Variants in NALF1 observed in about 807,000 individuals in gnomAD.
NALF1 encodes NALCN channel auxiliary factor 1.
Under a neutral mutation model 48.4 loss-of-function variants are expected in NALF1, and 3 were observed. The observed-to-expected ratio is 0.06, with a 90% confidence interval of 0.03 to 0.16. The LOEUF is 0.16. Among genes scored for constraint, NALF1 ranks in the 10% least tolerant of loss-of-function variants. The pLI is 1.00. For missense variants in NALF1, 526 were observed against 571.5 expected (o/e 0.92, Z 0.81); for synonymous variants, 262 against 245.7 (o/e 1.07, Z -0.62).
intron 1 of NALF1, among the ~76,000 whole-genome samples, chr13:107,386,288 C>A (rs1467126934): frequency 6.6e-6 from 1 of 152,130 alleles, no homozygotes; most frequent in Non-Finnish European, 1.5e-5. Flanking sequence ...CTAAAGGCAA[C>A]CCCACCCCCT....
At chr13:107,405,520 A>C (rs139709543) in intron 1 of NALF1, among the ~76,000 whole-genome samples, 2,046 of 152,154 alleles carry the variant, frequency 0.013, 24 homozygotes, top group South Asian at 0.033. Context: ...CAAGTTGGCC[A>C]AAATTCCCTT....
chr13:107,613,057 G>A (rs9520511), intron 1 of NALF1, among the ~76,000 whole-genome samples: 1 of 151,792 alleles, frequency 6.6e-6, no homozygotes, highest in Non-Finnish European at 1.5e-5. Flanking sequence ...CCTGGAGGAA[G>A]GGAGCAGCCA....
intron 1 of NALF1, among the ~76,000 whole-genome samples, chr13:107,713,121 C>T (rs1025255243): frequency 1.3e-5 from 2 of 152,172 alleles, no homozygotes; most frequent in African/African-American, 4.8e-5. Context: ...TCAGGGGCTA[C>T]GGCAAAGCAG....
intron 1 of NALF1, among the ~76,000 whole-genome samples, chr13:107,507,225 G>A (rs1431783080): frequency 6.6e-6 from 1 of 151,950 alleles, no homozygotes; most frequent in African/African-American, 2.4e-5. Flanking sequence ...ATTTTATTAG[G>A]GATTTTCTAG....
intron 1 of NALF1, among the ~76,000 whole-genome samples, chr13:107,258,331 G>A (rs567433949): frequency 1.3e-5 from 2 of 152,110 alleles, no homozygotes; most frequent in East Asian, 1.9e-4. Context: ...AATGAACATC[G>A]TTTTGTTTTT....
At chr13:107,345,766 C>A (rs1308804585) in intron 1 of NALF1, among the ~76,000 whole-genome samples, 1 of 152,138 alleles carries the variant, frequency 6.6e-6, no homozygotes, top group East Asian at 1.9e-4. Flanking sequence ...GCACAGACAG[C>A]AAAATATAAA....
At chr13:107,644,031 G>A (rs1880237467) in intron 1 of NALF1, among the ~76,000 whole-genome samples, 1 of 148,596 alleles carries the variant, frequency 6.7e-6, no homozygotes, top group South Asian at 2.1e-4. Flanking sequence ...TTACAAATGT[G>A]TAATTTATTT....
At chr13:107,594,327 T>C (rs1279310254) in intron 1 of NALF1, among the ~76,000 whole-genome samples, 3 of 152,112 alleles carry the variant, frequency 2.0e-5, no homozygotes. Flanking sequence ...AATTGATTTA[T>C]GAATAACACA....
At chr13:107,463,534 T>C (rs1475971185) in intron 1 of NALF1, among the ~76,000 whole-genome samples, 1 of 152,238 alleles carries the variant, frequency 6.6e-6, no homozygotes, top group Non-Finnish European at 1.5e-5. Context: ...GTTTTGTTGC[T>C]GTTGTTTTGC....
At chr13:107,656,128 G>A (rs1292340918) in intron 1 of NALF1, among the ~76,000 whole-genome samples, 7 of 148,192 alleles carry the variant, frequency 4.7e-5, no homozygotes, top group African/African-American at 1.7e-4. Context: ...ACAATCTAAA[G>A]GCAAATGCAA....
intron 1 of NALF1, among the ~76,000 whole-genome samples, chr13:107,324,525 A>G (rs527825808): frequency 6.6e-6 from 1 of 152,268 alleles, no homozygotes; most frequent in South Asian, 2.1e-4. Context: ...CACATGCAAA[A>G]TTCTAGAAGA....
At chr13:107,422,811 A>G (rs943782010) in intron 1 of NALF1, among the ~76,000 whole-genome samples, 19 of 152,132 alleles carry the variant, frequency 1.2e-4, no homozygotes, top group African/African-American at 4.6e-4. Flanking sequence ...AGGGAAAAGG[A>G]GAAGTCAGGG....
rs375735915 is a variant in NALF1 at position 107,774,686 on chromosome 13, A to C, written c.915+90996T>G. Among the ~76,000 whole-genome samples the C allele has an allele frequency of 5.5e-4, 84 of 152,300 alleles. No homozygotes were observed. In the South Asian group the frequency reaches 0.017, roughly 31 times the overall value. On this transcript the variant is annotated intron_variant, in intron 1 of 2. Transcript: ENST00000375915. ...TTATATGCAATACCTATTATATGCA[A>C]AGCTTCAGTGCTAGGTAGTGGGGAT...
At chr13:107,693,063 G>T (rs966196814) in intron 1 of NALF1, among the ~76,000 whole-genome samples, 13 of 152,070 alleles carry the variant, frequency 8.5e-5, no homozygotes, top group African/African-American at 3.1e-4. Context: ...AGATCCTTGA[G>T]GAATCGCCAC....
At chr13:107,256,839 A>G (rs1177900266) in intron 1 of NALF1, among the ~76,000 whole-genome samples, 2 of 152,218 alleles carry the variant, frequency 1.3e-5, no homozygotes, top group Admixed American at 1.3e-4. Flanking sequence ...GTATATTTCT[A>G]TTTTTGTAAA....
intron 1 of NALF1, among the ~76,000 whole-genome samples, chr13:107,498,812 C>T (rs996235403): frequency 6.6e-6 from 1 of 152,006 alleles, no homozygotes; most frequent in African/African-American, 2.4e-5. Context: ...CAGTGGCCAT[C>T]GAGTTAGAGG....
At chr13:107,283,802 G>A in intron 1 of NALF1, among the ~76,000 whole-genome samples, 1 of 151,826 alleles carries the variant, frequency 6.6e-6, no homozygotes, top group East Asian at 1.9e-4. Context: ...TCGGACTACA[G>A]GCGCCCGCCA....
intron 1 of NALF1, among the ~76,000 whole-genome samples, chr13:107,301,641 ATTAT>A (rs574804012): frequency 6.0e-4 from 91 of 152,304 alleles, no homozygotes; most frequent in African/African-American, 2.1e-3. Flanking sequence ...CGTCTACATA[ATTAT>A]TTATTAGAAT....
At chr13:107,321,229 T>G (rs568075765) in intron 1 of NALF1, among the ~76,000 whole-genome samples, 3 of 152,088 alleles carry the variant, frequency 2.0e-5, no homozygotes, top group East Asian at 1.9e-4. Context: ...GCCTTTAAAT[T>G]TGAAAAGTGG....
Sources: allele counts gnomAD v4.1 joint callset (sites outside exome capture counted in the v4.1 genomes callset), GRCh38; gene constraint gnomAD v4.1.1; transcripts MANE v1.5; gene names NCBI Gene and HGNC (gene_info 2026-07-23, HGNC 2026-07-21).